Variants in PPARGC1A observed in about 807,000 individuals in gnomAD.
PPARGC1A encodes the protein PPARG coactivator 1 alpha.
A neutral mutation model predicts 88.7 loss-of-function variants in PPARGC1A; 25 were observed. That is an observed-to-expected ratio of 0.28 (90% CI 0.21 to 0.39). The LOEUF is 0.39. Ranked by LOEUF, PPARGC1A falls within the 10% of genes least tolerant of loss-of-function variation. The probability of loss-of-function intolerance (pLI) is 1.00; values close to 1 mark genes in which losing one functional copy is unlikely to be tolerated. For missense variants in PPARGC1A, 880 were observed against 968.7 expected (o/e 0.91, Z 1.22); for synonymous variants, 363 against 355.6 (o/e 1.02, Z -0.24).
chr4:23,858,414 A>G (rs1019010058), intron 2 of PPARGC1A, among the ~76,000 whole-genome samples: 6 of 152,208 alleles, frequency 3.9e-5, no homozygotes, highest in Non-Finnish European at 5.9e-5. Flanking sequence ...GAGAAAAAAG[A>G]TAATCATGGT....
At chr4:24,288,515 C>T in the PPARGC1A span, among the ~76,000 whole-genome samples, 1 of 152,132 alleles carries the variant, frequency 6.6e-6, no homozygotes, top group Non-Finnish European at 1.5e-5. Flanking sequence ...AAAGCTATTT[C>T]CAATACAAAT....
intron 1 of PPARGC1A, among the ~76,000 whole-genome samples, chr4:23,898,401 T>C (rs986783541): frequency 6.6e-6 from 1 of 152,092 alleles, no homozygotes; most frequent in African/African-American, 2.4e-5. Context: ...TCCTTTAAGG[T>C]TGAGTGAATT....
the PPARGC1A span, among the ~76,000 whole-genome samples, chr4:24,103,910 G>C: frequency 6.6e-6 from 1 of 152,174 alleles, no homozygotes; most frequent in Non-Finnish European, 1.5e-5. Context: ...TTTCAGCCGG[G>C]CCCGTCAGGC....
the PPARGC1A span, among the ~76,000 whole-genome samples, chr4:24,286,879 G>A: frequency 6.6e-6 from 1 of 152,042 alleles, no homozygotes; most frequent in Non-Finnish European, 1.5e-5. Flanking sequence ...AGGTTGAGCT[G>A]GGGCAGGATC....
At chr4:24,388,457 A>G in the PPARGC1A span, among the ~76,000 whole-genome samples, 2 of 152,220 alleles carry the variant, frequency 1.3e-5, no homozygotes, top group Non-Finnish European at 2.9e-5. Context: ...TGACCCAGCC[A>G]TCCCATTACT....
At chr4:23,939,604 CT>C in the PPARGC1A span, among the ~76,000 whole-genome samples, 1 of 152,158 alleles carries the variant, frequency 6.6e-6, no homozygotes, top group African/African-American at 2.4e-5. Context: ...ATAAATTTCC[CT>C]CTCTAGAGAT....
the PPARGC1A span, among the ~76,000 whole-genome samples, chr4:24,061,524 C>CAATA: frequency 0.55 from 83,892 of 151,892 alleles, 23,372 homozygotes; most frequent in Admixed American, 0.58. Context: ...GTTCTCAATG[C>CAATA]AATATCTGTG....
At chr4:24,424,265 T>G in the PPARGC1A span, among the ~76,000 whole-genome samples, 1 of 96,090 alleles carries the variant, frequency 1.0e-5, no homozygotes, top group Admixed American at 1.0e-4. Context: ...ACACTTTTTT[T>G]TTTTTTTTTT....
At chr4:23,945,434 A>T in the PPARGC1A span, among the ~76,000 whole-genome samples, 1 of 152,162 alleles carries the variant, frequency 6.6e-6, no homozygotes, top group African/African-American at 2.4e-5. Context: ...AGACAAGGGA[A>T]AAAAACCAGT....
chr4:24,368,301 A>G, the PPARGC1A span, among the ~76,000 whole-genome samples: 1 of 152,180 alleles, frequency 6.6e-6, no homozygotes, highest in East Asian at 1.9e-4. Flanking sequence ...AGTACCATAC[A>G]ATTTTAGGGT....
chr4:24,448,747 T>C, the PPARGC1A span, among the ~76,000 whole-genome samples: 1 of 152,076 alleles, frequency 6.6e-6, no homozygotes, highest in South Asian at 2.1e-4. Context: ...CCACCCCTAG[T>C]CTGAATACCC....
At chr4:24,470,285 C>G in the PPARGC1A span, among the ~76,000 whole-genome samples, 7 of 127,800 alleles carry the variant, frequency 5.5e-5, no homozygotes, top group East Asian at 1.2e-3. The surrounding 1 kb of genome is among the most constrained non-coding windows in gnomAD (Gnocchi z 5.8). Context: ...CAGACACACA[C>G]ACACACACAC....
chr4:24,190,686 T>A, the PPARGC1A span, among the ~76,000 whole-genome samples: 4 of 152,186 alleles, frequency 2.6e-5, no homozygotes, highest in African/African-American at 9.7e-5. Context: ...ACTTCCTCCA[T>A]GCCATGTAGT....
the PPARGC1A span, among the ~76,000 whole-genome samples, chr4:23,970,283 T>G: frequency 7.2e-3 from 1,092 of 152,318 alleles, 4 homozygotes; most frequent in Non-Finnish European, 0.011. Flanking sequence ...AAACTTGGCC[T>G]GCTGCTGCAA....
the PPARGC1A span, among the ~76,000 whole-genome samples, chr4:24,292,466 G>A: frequency 1.3e-5 from 2 of 151,182 alleles, no homozygotes; most frequent in Non-Finnish European, 3.0e-5. Context: ...CTGCCTTTCT[G>A]CCTCCCCTAT....
At chr4:24,264,923 G>C in the PPARGC1A span, among the ~76,000 whole-genome samples, 1 of 152,198 alleles carries the variant, frequency 6.6e-6, no homozygotes, top group Non-Finnish European at 1.5e-5. Flanking sequence ...AAACAACAAA[G>C]AAGTGAGGTA....
At chr4:24,109,864 G>C in the PPARGC1A span, among the ~76,000 whole-genome samples, 2 of 152,150 alleles carry the variant, frequency 1.3e-5, no homozygotes, top group African/African-American at 2.4e-5. Context: ...CCTTAGAAGT[G>C]GTGGAGCAGA....
chr4:24,079,336 A>G, the PPARGC1A span, among the ~76,000 whole-genome samples: 2 of 151,962 alleles, frequency 1.3e-5, no homozygotes, highest in African/African-American at 4.8e-5. Flanking sequence ...TCATGTCCCC[A>G]TTATTGTTTT....
the PPARGC1A span, among the ~76,000 whole-genome samples, chr4:24,440,171 G>C: frequency 6.6e-6 from 1 of 152,178 alleles, no homozygotes; most frequent in Non-Finnish European, 1.5e-5. Context: ...CAATATTGTG[G>C]TGGTGATGGT....
Sources: gnomAD v4.1 joint callset for allele counts (sites outside exome capture counted in the v4.1 genomes callset) on GRCh38, gnomAD v4.1.1 for gene constraint, Gnocchi (gnomAD v3.1) non-coding constraint, MANE v1.5 for transcripts, NCBI Gene and HGNC (gene_info 2026-07-23, HGNC 2026-07-21) for gene names.